Variants in TRIO observed in about 807,000 individuals in gnomAD.
TRIO encodes the protein trio Rho guanine nucleotide exchange factor.
In TRIO, 58 loss-of-function variants were observed where a neutral mutation model predicts 351.9. The observed-to-expected ratio is 0.16, with a 90% CI of 0.13 to 0.21. TRIO has a LOEUF of 0.21. Among genes scored for constraint, TRIO ranks in the 10% least tolerant of loss-of-function variants. TRIO has a pLI of 1.00. For missense variants in TRIO, 3,201 were observed against 4,027.8 expected (o/e 0.79, Z 5.56); for synonymous variants, 1,758 against 1,595.7 (o/e 1.10, Z -2.42).
At chr5:14,161,718 G>GA (rs1788470107) in intron 1 of TRIO, among the ~76,000 whole-genome samples, 1 of 152,084 alleles carries the variant, frequency 6.6e-6, no homozygotes, top group Non-Finnish European at 1.5e-5. Flanking sequence ...AATGTATTTT[G>GA]AAAAAACTCT....
intron 1 of TRIO, among the ~76,000 whole-genome samples, chr5:14,233,025 T>C (rs1793544401): frequency 6.6e-6 from 1 of 152,118 alleles, no homozygotes; most frequent in African/African-American, 2.4e-5. Flanking sequence ...AGTGCTGGGC[T>C]CATGCGAGGG....
chr5:14,286,867 G>A lies in TRIO; in HGVS notation c.348-4G>A. 1 of 1,610,792 alleles carries A rather than the reference G, an allele frequency of 6.2e-7. No individual in the cohort carries two copies. The highest frequency in any genetic ancestry group is 8.5e-7 in the Non-Finnish European group (1 of 1,178,190). ...GTCTTCAGCCATGTTTTCTTTCTCT[G>A]CAGCGAGGAGGTCTGCAAGCGTGGC... On this transcript the variant is annotated splice_polypyrimidine_tract_variant and splice_region_variant and intron_variant, in intron 3 of 56. Coordinates refer to ENST00000344204, the MANE Select transcript of TRIO (RefSeq NM_007118.4). The surrounding 1 kb of genome is among the most constrained non-coding windows in gnomAD (Gnocchi z 4.4).
At chr5:14,225,336 T>TA (rs1282842802) in intron 1 of TRIO, among the ~76,000 whole-genome samples, 1 of 152,194 alleles carries the variant, frequency 6.6e-6, no homozygotes, top group Non-Finnish European at 1.5e-5. Flanking sequence ...CCTAACAAAT[T>TA]ACCACAAACA....
intron 31 of TRIO, among the ~76,000 whole-genome samples, chr5:14,403,650 TG>T (rs1748399757): frequency 4.8e-5 from 6 of 125,284 alleles, no homozygotes; most frequent in South Asian, 2.8e-4. Flanking sequence ...GTGCAGGTGG[TG>T]GTGAGGGTGC....
intron 1 of TRIO, among the ~76,000 whole-genome samples, chr5:14,177,298 T>A (rs199602226): frequency 6.6e-6 from 1 of 152,116 alleles, no homozygotes; most frequent in Non-Finnish European, 1.5e-5. Context: ...CACTTTTAAA[T>A]TTTTTTTGGT....
intron 3 of TRIO, among the ~76,000 whole-genome samples, chr5:14,285,712 A>C (rs989454550): frequency 6.6e-6 from 1 of 152,192 alleles, no homozygotes; most frequent in Non-Finnish European, 1.5e-5. Context: ...GAAAAATGTC[A>C]AATGTCTTTT....
Position 14,487,775 on chromosome 5 carries a change from C to CCCGAGG in TRIO, c.7151_7156dup (p.Glu2384_Ala2385dup). The CCCGAGG allele has an allele frequency of 7.3e-7, 1 of 1,373,044 alleles. No individual in the cohort carries two copies. Among genetic ancestry groups the CCCGAGG allele is most frequent in the Non-Finnish European group, 9.4e-7 (1 of 1,061,098 alleles). 85.1% of individuals were successfully genotyped at this position (1,373,044 alleles called of 1,614,324 possible). ...CTCCCTGCCTCCCCCTGGCGCGGCCCCCGAGGCCGGCCCCAGCGCGCCCAG... is the reference window on the plus strand; with the variant it reads ...CTCCCTGCCTCCCCCTGGCGCGGCCCCCGAGGCCGAGGCCGGCCCCAGCGCGCCCAG... On this transcript the variant is annotated inframe_insertion, in exon 48 of 57. Coordinates refer to ENST00000344204, the MANE Select transcript of TRIO (RefSeq NM_007118.4).
intron 13 of TRIO, among the ~76,000 whole-genome samples, chr5:14,359,997 T>C (rs1168684681): frequency 6.6e-6 from 1 of 151,874 alleles, no homozygotes; most frequent in African/African-American, 2.4e-5. Flanking sequence ...CCCTCCCCTT[T>C]TCTCTCTCTC....
intron 34 of TRIO, among the ~76,000 whole-genome samples, chr5:14,459,585 C>A (rs1351696584): frequency 6.6e-6 from 1 of 152,012 alleles, no homozygotes; most frequent in Non-Finnish European, 1.5e-5. Context: ...TTTTTGAATA[C>A]AAAAATTAGC....
intron 34 of TRIO, among the ~76,000 whole-genome samples, chr5:14,437,245 G>C (rs2152401793): frequency 6.6e-6 from 1 of 152,216 alleles, no homozygotes; most frequent in African/African-American, 2.4e-5. Context: ...TCTCACTATA[G>C]TAGTTTCAGA....
chr5:14,503,023 A>G (rs1395359674), intron 54 of TRIO, among the ~76,000 whole-genome samples: 1 of 152,210 alleles, frequency 6.6e-6, no homozygotes, highest in South Asian at 2.1e-4. Context: ...TCATTTGTGC[A>G]TGGAGACTTC....
At chr5:14,246,194 T>G (rs926286002) in intron 1 of TRIO, among the ~76,000 whole-genome samples, 2 of 152,194 alleles carry the variant, frequency 1.3e-5, no homozygotes, top group Admixed American at 1.3e-4. Flanking sequence ...TAATGCCTTT[T>G]AAAGATAGAA....
chr5:14,223,984 A>C (rs544392107), intron 1 of TRIO, among the ~76,000 whole-genome samples: 3 of 152,298 alleles, frequency 2.0e-5, no homozygotes, highest in Non-Finnish European at 4.4e-5. Context: ...TAGAGACAGA[A>C]CCCACATTTG....
At chr5:14,311,973 G>C (rs1738970246) in intron 8 of TRIO, among the ~76,000 whole-genome samples, 1 of 152,152 alleles carries the variant, frequency 6.6e-6, no homozygotes, top group African/African-American at 2.4e-5. Flanking sequence ...TTGATATGCT[G>C]TCACTCATCT....
intron 34 of TRIO, 68 bp from the exon 35 acceptor site, chr5:14,460,951 A>G (rs1010386106): frequency 6.9e-7 from 1 of 1,443,826 alleles, no homozygotes; most frequent in Non-Finnish European, 9.2e-7. Context: ...CCTGCGGGAT[A>G]ATGGCATGGT....
At chr5:14,253,391 TGTCACCCAG>T (rs1364573621) in intron 1 of TRIO, among the ~76,000 whole-genome samples, 1 of 152,256 alleles carries the variant, frequency 6.6e-6, no homozygotes, top group African/African-American at 2.4e-5. Flanking sequence ...TCTCTCGCCC[TGTCACCCAG>T]GTTGGAGTGC....
chr5:14,355,854 A>C (rs1743568752), intron 11 of TRIO, among the ~76,000 whole-genome samples: 1 of 152,208 alleles, frequency 6.6e-6, no homozygotes, highest in Admixed American at 6.5e-5. Context: ...ACTGTGGCTC[A>C]GTATTCTTTC....
chr5:14,293,427 T>C (rs1212287450), intron 6 of TRIO, among the ~76,000 whole-genome samples: 1 of 152,228 alleles, frequency 6.6e-6, no homozygotes, highest in Non-Finnish European at 1.5e-5. Context: ...CTGCACTTCA[T>C]AGGAGCCCAC....
chr5:14,418,528 A>T (rs966396530), intron 33 of TRIO, among the ~76,000 whole-genome samples: 1 of 152,130 alleles, frequency 6.6e-6, no homozygotes, highest in East Asian at 1.9e-4. Context: ...CTTGATGGTG[A>T]TACTGTTACC....
Sources: allele counts gnomAD v4.1 joint callset (sites outside exome capture counted in the v4.1 genomes callset), GRCh38; gene constraint gnomAD v4.1.1; non-coding constraint Gnocchi (gnomAD v3.1); transcripts MANE v1.5; gene names NCBI Gene and HGNC (gene_info 2026-07-23, HGNC 2026-07-21).